The following ERC2 variants were observed in gnomAD, a reference collection of about 807,000 sequenced individuals.
ERC2 encodes ELKS/RAB6-interacting/CAST family member 2.
Under a neutral mutation model 114.8 loss-of-function variants are expected in ERC2, and 42 were observed. The observed-to-expected ratio is 0.37, with a 90% CI of 0.29 to 0.47. ERC2 has a LOEUF of 0.47. ERC2 is among the 20% of genes least tolerant of loss of function. The probability of loss-of-function intolerance (pLI) is 0.99; values close to 1 mark genes in which losing one functional copy is unlikely to be tolerated. For synonymous variants in ERC2, 454 were observed against 425.5 expected (o/e 1.07, Z -0.82); for missense variants, 939 against 1,150.7 (o/e 0.82, Z 2.66).
chr3:56,072,237 C>G (rs2076773059), intron 7 of ERC2: 1 of 155,176 alleles, frequency 6.4e-6, no homozygotes, highest in African/African-American at 2.4e-5. Context: ...AAGCTACATG[C>G]TTGGTCAAAG....
chr3:55,509,936 T>C lies in ERC2; in HGVS notation c.*1380A>G, dbSNP rs554595844. ...CATACACGTGGAAGGGTTTCTTCCA[T>C]TGACAAGAAAATGGAGCAATACAAG... On this transcript the variant is annotated 3_prime_UTR_variant, in exon 18 of 18. Transcript: ENST00000288221. 4 of 152,740 alleles carry C rather than the reference T, an allele frequency of 2.6e-5. No homozygotes were observed. The highest frequency in any genetic ancestry group is 4.1e-4 in the South Asian group (2 of 4,826). The allele number at this position is 152,740 out of a possible 1,614,324, so 9.5% of individuals were successfully genotyped here. A position where few individuals can be genotyped will look rare whatever the true frequency, so the allele number is the denominator to read the frequency against.
At chr3:56,054,383 C>T (rs1470775405) in intron 7 of ERC2, among the ~76,000 whole-genome samples, 1 of 152,182 alleles carries the variant, frequency 6.6e-6, no homozygotes, top group Non-Finnish European at 1.5e-5. Context: ...CAAACCACTG[C>T]ACCCAATTTT....
At chr3:55,588,934 C>G (rs2057729752) in intron 17 of ERC2, among the ~76,000 whole-genome samples, 1 of 151,964 alleles carries the variant, frequency 6.6e-6, no homozygotes, top group Non-Finnish European at 1.5e-5. Flanking sequence ...TTTCGGAGGA[C>G]CATTTTGGGG....
chr3:55,838,835 G>A lies in ERC2; in HGVS notation c.2564+49554C>T, dbSNP rs1423072560. Among the ~76,000 whole-genome samples the A allele has an allele frequency of 9.2e-5, 14 of 151,792 alleles. 1 individual carries two copies. The highest frequency in any genetic ancestry group is 8.5e-4 in the Admixed American group (13 of 15,228). ...ATTCTATGTTCATAAATCTGACATT[G>A]ATGAAATAAACCAGTTTCTTAAAAG... On this transcript the variant is annotated intron_variant, in intron 14 of 17. Transcript: ENST00000288221.
intron 10 of ERC2, among the ~76,000 whole-genome samples, chr3:55,999,790 T>C (rs893407168): frequency 6.6e-6 from 1 of 151,502 alleles, no homozygotes; most frequent in African/African-American, 2.4e-5. Context: ...TGGGAACATA[T>C]AAATAGTTCT....
chr3:55,514,827 A>G (rs969961287), intron 17 of ERC2, among the ~76,000 whole-genome samples: 1 of 152,260 alleles, frequency 6.6e-6, no homozygotes, highest in African/African-American at 2.4e-5. Context: ...AGTTGAGCCC[A>G]TCTGGACTTC....
At chr3:55,831,751 G>A (rs7616716) in intron 14 of ERC2, among the ~76,000 whole-genome samples, 2 of 152,042 alleles carry the variant, frequency 1.3e-5, no homozygotes, top group Non-Finnish European at 2.9e-5. Flanking sequence ...CAGAGAGTGG[G>A]TGCAGGACAG....
intron 14 of ERC2, among the ~76,000 whole-genome samples, chr3:55,758,139 T>C (rs1331351139): frequency 1.3e-5 from 2 of 152,146 alleles, no homozygotes; most frequent in African/African-American, 4.8e-5. Flanking sequence ...TCTGCTATTC[T>C]CCCCAAAAAT....
intron 2 of ERC2, among the ~76,000 whole-genome samples, chr3:56,308,959 C>A (rs867974187): frequency 6.6e-6 from 1 of 152,132 alleles, no homozygotes; most frequent in South Asian, 2.1e-4. Context: ...ATGTGAAGGG[C>A]AGGTTCTCTG....
intron 14 of ERC2, among the ~76,000 whole-genome samples, chr3:55,777,327 T>C: frequency 6.6e-6 from 1 of 152,140 alleles, no homozygotes; most frequent in African/African-American, 2.4e-5. Flanking sequence ...AAGCTGCAAC[T>C]GTGTTACAGT....
intron 3 of ERC2, among the ~76,000 whole-genome samples, chr3:56,237,687 G>A (rs188279686): frequency 2.0e-4 from 30 of 152,184 alleles, no homozygotes; most frequent in Non-Finnish European, 3.7e-4. Context: ...CAGGACAGAA[G>A]GAAGTGATTC....
intron 13 of ERC2, among the ~76,000 whole-genome samples, chr3:55,895,785 A>C (rs1224020617): frequency 1.3e-5 from 2 of 152,166 alleles, no homozygotes; most frequent in Non-Finnish European, 2.9e-5. Flanking sequence ...TGATGGATGA[A>C]GTGTAAGTCC....
At chr3:55,691,544 C>CAAAAAAAA (rs748917550) in intron 16 of ERC2, among the ~76,000 whole-genome samples, 1 of 67,020 alleles carries the variant, frequency 1.5e-5, no homozygotes, top group African/African-American at 6.4e-5. Context: ...ATTTGCAATG[C>CAAAAAAAA]AAAAAAAAAA....
intron 7 of ERC2, among the ~76,000 whole-genome samples, chr3:56,065,574 G>A (rs571070769): frequency 6.6e-6 from 1 of 151,834 alleles, no homozygotes; most frequent in South Asian, 2.1e-4. Context: ...TGTGCAGAAC[G>A]TGCAGGTTTG....
intron 14 of ERC2, among the ~76,000 whole-genome samples, chr3:55,756,229 C>T (rs912139759): frequency 2.6e-5 from 4 of 152,082 alleles, no homozygotes; most frequent in African/African-American, 9.7e-5. Flanking sequence ...TTTAATTATC[C>T]TCAGAGTTTT....
chr3:56,317,102 C>T (rs2056900570), intron 2 of ERC2, among the ~76,000 whole-genome samples: 1 of 152,148 alleles, frequency 6.6e-6, no homozygotes, highest in Admixed American at 6.5e-5. Flanking sequence ...GACGCAATCA[C>T]AACAGAAAAG....
In ERC2 at chr3:56,139,759, T is replaced by C; in HGVS notation, c.1306-83A>G. ...TTGGACAACTACTGATTTCTCTCCATTTCAGCAGCCAGTGATCAATAATCC... is the reference window on the plus strand; with the variant it reads ...TTGGACAACTACTGATTTCTCTCCACTTCAGCAGCCAGTGATCAATAATCC... On this transcript the variant is annotated intron_variant, in intron 5 of 17. Coordinates refer to ENST00000288221, the MANE Select transcript of ERC2 (RefSeq NM_015576.3). 3 of 1,412,036 alleles carry C rather than the reference T, an allele frequency of 2.1e-6. 1 individual carries two copies. The South Asian group carries it at 3.8e-5, about 18-fold the overall frequency. The allele number at this position is 1,412,036 out of a possible 1,614,324, so 87.5% of individuals were successfully genotyped here.
intron 17 of ERC2, among the ~76,000 whole-genome samples, chr3:55,526,438 C>T (rs951937379): frequency 2.0e-5 from 3 of 152,088 alleles, no homozygotes; most frequent in Non-Finnish European, 4.4e-5. Context: ...GGGAGAGGGT[C>T]ATCTGAGATC....
At chr3:56,382,896 T>A (rs2059803701) in intron 2 of ERC2, among the ~76,000 whole-genome samples, 1 of 152,172 alleles carries the variant, frequency 6.6e-6, no homozygotes, top group African/African-American at 2.4e-5. Flanking sequence ...ACCCCAAGGT[T>A]CAGATGCCCA....
Sources: allele counts gnomAD v4.1 joint callset (sites outside exome capture counted in the v4.1 genomes callset), GRCh38; gene constraint gnomAD v4.1.1; transcripts MANE v1.5; gene names NCBI Gene and HGNC (gene_info 2026-07-23, HGNC 2026-07-21).